Variants in ACSBG2 observed in about 807,000 individuals in gnomAD.
ACSBG2 encodes the protein long-chain-fatty-acid--CoA ligase ACSBG2.
Under a neutral mutation model 74.7 loss-of-function variants are expected in ACSBG2, and 62 were observed. That is an observed-to-expected ratio of 0.83 (90% confidence interval 0.68 to 1.03). The LOEUF is 1.03. ACSBG2 is among the 50% of genes least tolerant of loss of function. The pLI is 0.00. For synonymous variants in ACSBG2, 309 were observed against 294.1 expected (o/e 1.05, Z -0.52); for missense variants, 730 against 817.6 (o/e 0.89, Z 1.31).
At chr19:6,160,466 G>C (rs1819299219) in intron 5 of ACSBG2, 1 of 152,092 alleles carries the variant, frequency 6.6e-6, no homozygotes, top group Admixed American at 6.6e-5. Flanking sequence ...CTAGGTATGG[G>C]TAGAGGGCTC....
chr19:6,164,234 C>T (rs532443893), intron 6 of ACSBG2, among the ~76,000 whole-genome samples: 20 of 152,136 alleles, frequency 1.3e-4, no homozygotes, highest in Admixed American at 3.3e-4. Context: ...TTTGAAGGAA[C>T]ACCCTTTGTA....
chr19:6,166,615 C>T (rs1241678652), intron 7 of ACSBG2, among the ~76,000 whole-genome samples: 1 of 150,522 alleles, frequency 6.6e-6, no homozygotes, highest in Non-Finnish European at 1.5e-5. Flanking sequence ...GCCCAGCCTA[C>T]TTTATTTTTC....
intron 5 of ACSBG2, among the ~76,000 whole-genome samples, chr19:6,160,267 G>C (rs2089561329): frequency 6.6e-6 from 1 of 151,864 alleles, no homozygotes; most frequent in South Asian, 2.1e-4. Context: ...GCGGGCGCCT[G>C]TAGTCCCAGC....
At chr19:6,162,448 T>A (rs1049179174) in intron 6 of ACSBG2, among the ~76,000 whole-genome samples, 1 of 148,330 alleles carries the variant, frequency 6.7e-6, no homozygotes, top group African/African-American at 2.5e-5. Flanking sequence ...GCGCCTGTAG[T>A]CCCAGCTACT....
intron 6 of ACSBG2, among the ~76,000 whole-genome samples, chr19:6,164,884 G>C (rs1197653497): frequency 6.6e-6 from 1 of 152,204 alleles, no homozygotes; most frequent in Non-Finnish European, 1.5e-5. Flanking sequence ...AAGAGCACAG[G>C]CTCTGGAGTC....
intron 10 of ACSBG2, among the ~76,000 whole-genome samples, chr19:6,184,740 G>A (rs1021553661): frequency 6.9e-6 from 1 of 144,588 alleles, no homozygotes; most frequent in Non-Finnish European, 1.5e-5. Flanking sequence ...CCTAATCACT[G>A]CAGAGAGGTC....
intron 8 of ACSBG2, among the ~76,000 whole-genome samples, chr19:6,179,711 G>A (rs1161922163): frequency 6.6e-6 from 1 of 152,082 alleles, no homozygotes; most frequent in African/African-American, 2.4e-5. Flanking sequence ...TCCACCTCCG[G>A]GTTAAACGAT....
chr19:6,158,765 T>C (rs1158375730), intron 5 of ACSBG2, among the ~76,000 whole-genome samples: 1 of 152,144 alleles, frequency 6.6e-6, no homozygotes, highest in African/African-American at 2.4e-5. Flanking sequence ...CATTTTATTC[T>C]CTCCGAAATT....
At chr19:6,146,195 C>A (rs1339378997) in intron 2 of ACSBG2, among the ~76,000 whole-genome samples, 1 of 152,188 alleles carries the variant, frequency 6.6e-6, no homozygotes, top group African/African-American at 2.4e-5. Context: ...TGGAGCCAGG[C>A]GCGGTGGCTC....
At chr19:6,152,000 A>C (rs1332526873) in intron 4 of ACSBG2, among the ~76,000 whole-genome samples, 1 of 152,182 alleles carries the variant, frequency 6.6e-6, no homozygotes, top group Non-Finnish European at 1.5e-5. Context: ...AGACCTCTCG[A>C]TTTTCTTCAG....
intron 5 of ACSBG2, among the ~76,000 whole-genome samples, chr19:6,160,113 G>A (rs1452605772): frequency 1.3e-5 from 2 of 152,100 alleles, no homozygotes; most frequent in African/African-American, 2.4e-5. Flanking sequence ...CGCAGGGGCC[G>A]GGCGTGGTGG....
At position 6,140,340 on chromosome 19, in the gene ACSBG2, AC is replaced by A. The variant is rs770137801; in HGVS notation, c.-31-1170del. ...GAGTCCAATTAATGACTATGCAAAAACCCAGGGTAGCCCCGGAATCCTGTCC... is the reference window on the plus strand; with the variant it reads ...GAGTCCAATTAATGACTATGCAAAAACCAGGGTAGCCCCGGAATCCTGTCC... On this transcript the variant is annotated intron_variant, in intron 1 of 14. Transcript: ENST00000588485. Among the ~76,000 whole-genome samples, 20 of 152,106 alleles carry A rather than the reference AC, an allele frequency of 1.3e-4. No homozygotes were observed. In the East Asian group the frequency reaches 3.7e-3, roughly 28 times the overall value.
At chr19:6,181,769 G>C (rs998805254) in intron 8 of ACSBG2, among the ~76,000 whole-genome samples, 1 of 140,644 alleles carries the variant, frequency 7.1e-6, no homozygotes, top group Non-Finnish European at 1.5e-5. Context: ...TTGTGGAAGC[G>C]TTTGTTTGTT....
rs1309267080 is a variant in ACSBG2 at position 6,192,731 on chromosome 19, T to C, written c.*99T>C. ...TGCTCTAGGTAGAAGCTCTCCCTGC[T>C]GTTTTTAAGAAGCCACATTCCTCAT... On this transcript the variant is annotated 3_prime_UTR_variant, in exon 15 of 15. Coordinates refer to ENST00000588485, the MANE Select transcript of ACSBG2 (RefSeq NM_030924.5). 3 of 152,238 alleles carry C rather than the reference T, an allele frequency of 2.0e-5. No individual in the cohort carries two copies. Among genetic ancestry groups the C allele is most frequent in the Non-Finnish European group, 4.4e-5 (3 of 68,052 alleles). The allele number at this position is 152,238 out of a possible 1,614,324, so 9.4% of individuals were successfully genotyped here.
intron 6 of ACSBG2, among the ~76,000 whole-genome samples, chr19:6,161,978 T>G (rs573553212): frequency 6.6e-6 from 1 of 152,250 alleles, no homozygotes; most frequent in African/African-American, 2.4e-5. Context: ...AACATTAAGT[T>G]TAAATATTTT....
chr19:6,184,326 T>C (rs60170449), intron 10 of ACSBG2, among the ~76,000 whole-genome samples: 10,023 of 152,212 alleles, frequency 0.066, 541 homozygotes, highest in African/African-American at 0.15. Context: ...TGTGCAGAAA[T>C]TTGTGGTCAC....
chr19:6,151,669 T>G, intron 3 of ACSBG2, 38 bp from the exon 4 acceptor site: 3 of 1,528,606 alleles, frequency 2.0e-6, no homozygotes, highest in Non-Finnish European at 2.7e-6. Context: ...CATCTCTGTG[T>G]TTATGTTTTG....
chr19:6,164,720 T>G (rs2089741757), intron 6 of ACSBG2, among the ~76,000 whole-genome samples: 1 of 152,164 alleles, frequency 6.6e-6, no homozygotes, highest in Non-Finnish European at 1.5e-5. Context: ...TGAGCCACCG[T>G]GCCTGGCCGA....
chr19:6,165,914 G>C lies in ACSBG2; in HGVS notation c.637G>C (p.Glu213Gln). ...LGRSIPDTQL[E>Q]QVIESQKANQ... ...CAGAAGTATCCCTGACACCCAACTG[G>C]AGCAGGTCATCGAGAGCCAGAAGGC... The change falls in exon 7 of 15, where the codon GAG becomes CAG. Residue 213 changes from glutamate (E) to glutamine (Q), a missense_variant. Transcript: ENST00000588485. 1 of 1,614,162 alleles carries C rather than the reference G, an allele frequency of 6.2e-7. No individual in the cohort carries two copies. Among genetic ancestry groups the C allele is most frequent in the Non-Finnish European group, 8.5e-7 (1 of 1,180,014 alleles).
Sources: gnomAD v4.1 joint callset for allele counts (sites outside exome capture counted in the v4.1 genomes callset) on GRCh38, gnomAD v4.1.1 for gene constraint, MANE v1.5 for transcripts, NCBI Gene and HGNC (gene_info 2026-07-23, HGNC 2026-07-21) for gene names.